Variants in SEC16A observed in about 807,000 individuals in gnomAD.
SEC16A encodes SEC16 homolog A, endoplasmic reticulum export factor, also known as protein transport protein Sec16A.
SEC16A carries 110 observed loss-of-function variants against 221.9 expected under a neutral mutation model. That is an observed-to-expected ratio of 0.50 (90% CI 0.42 to 0.58). SEC16A has a LOEUF of 0.58. Among genes scored for constraint, SEC16A ranks in the 20% least tolerant of loss-of-function variants. The probability of loss-of-function intolerance (pLI) is 0.00; values close to 1 mark genes in which losing one functional copy is unlikely to be tolerated. For synonymous variants in SEC16A, 1,393 were observed against 1,257.7 expected, an observed-to-expected ratio of 1.11 and a Z score of -2.28; for missense variants, 3,165 against 3,097.8, an observed-to-expected ratio of 1.02 and a Z score of -0.52.
chr9:136,443,974 C>G (rs1836578750), intron 30 of SEC16A, 74 bp from the exon 31 acceptor site: 3 of 1,035,696 alleles, frequency 2.9e-6, no homozygotes, highest in Non-Finnish European at 4.2e-6. Context: ...CAGATACAGA[C>G]ACCGCTTCTG....
In SEC16A at chr9:136,440,113, G is replaced by A. The variant is rs1367387160; in HGVS notation, c.*1642C>T. 6.6e-6 allele frequency: 1 copy of A among 152,300 alleles called. No homozygotes were observed. The highest frequency in any genetic ancestry group is 6.5e-5 in the Admixed American group (1 of 15,290). 9.4% of individuals were successfully genotyped at this position (152,300 alleles called of 1,614,324 possible). A position where few individuals can be genotyped will look rare whatever the true frequency, so the allele number is the denominator to read the frequency against. On this transcript the variant is annotated 3_prime_UTR_variant, in exon 32 of 32. Transcript: ENST00000684901. ...ACCACAGGTGAAGGTGCTTGAAGGA[G>A]CGCAAAATATTTTATTCAACAATTT...
At chr9:136,470,695 G>A (rs912152323) in intron 4 of SEC16A, among the ~76,000 whole-genome samples, 3 of 152,142 alleles carry the variant, frequency 2.0e-5, no homozygotes, top group Non-Finnish European at 2.9e-5. Flanking sequence ...AGTACACCAG[G>A]GCCAGCTGCG....
chr9:136,448,263 C>T (rs1303951110), intron 23 of SEC16A, 102 bp from the exon 24 acceptor site: 1 of 887,618 alleles, frequency 1.1e-6, no homozygotes, highest in African/African-American at 1.7e-5. Context: ...TGTGAGGCCC[C>T]AGAGTCGCCA....
chr9:136,483,792 G>T, upstream of SEC16A: 13 of 985,374 alleles, frequency 1.3e-5, no homozygotes, highest in Non-Finnish European at 1.6e-5. Context: ...CTGGAGGGCA[G>T]GCGGCGGCGG....
chr9:136,469,571 G>A (rs907822719), intron 4 of SEC16A, among the ~76,000 whole-genome samples: 2 of 152,212 alleles, frequency 1.3e-5, no homozygotes, highest in Non-Finnish European at 2.9e-5. Flanking sequence ...GGCTGAGGCA[G>A]GAGGATGGCT....
At chr9:136,470,989 A>G (rs1342681098) in intron 4 of SEC16A, among the ~76,000 whole-genome samples, 1 of 151,812 alleles carries the variant, frequency 6.6e-6, no homozygotes, top group Non-Finnish European at 1.5e-5. Context: ...GGCTCTGCGC[A>G]CCTCCCTGAG....
rs769078328 is a variant in SEC16A, at chr9:136,462,934, T to G, written c.4846A>C (p.Arg1616=). ...AGCTCCCTGAACCTCTCGGTCTCTC[T>G]CTCGAGCGAGCTGGCGGCAGCCGCC... is the stretch of plus-strand genomic sequence containing the variant. ...GPAAAASSLE[R]ETERFRELLL... Residue 1616 remains arginine, a synonymous_variant, in exon 12 of 32, where the codon AGA becomes CGA. Transcript: ENST00000684901. 4.4e-6 allele frequency: 7 copies of G among 1,604,394 alleles called. No homozygotes were observed. Among genetic ancestry groups the G allele is most frequent in the African/African-American group, 2.7e-5 (2 of 74,928 alleles).
chr9:136,477,459 C>T lies in SEC16A; in HGVS notation c.157G>A (p.Asp53Asn). 1.2e-6 allele frequency: 2 copies of T among 1,614,046 alleles called. No individual in the cohort carries two copies. The highest frequency in any genetic ancestry group is 1.7e-6 in the Non-Finnish European group (2 of 1,179,902). ...GCCTGTCTACTAAAAGCAAATGGAT[C>T]CGTGACCGGCTGCAACGGGCAAGTT... ...PTTCPLQPVT[D>N]PFAFSRQALQ... The change falls in exon 3 of 32, where the codon GAT becomes AAT. Residue 53 changes from aspartate to asparagine, a missense_variant. Asp to Asn is a conservative substitution (Grantham distance 23, BLOSUM62 1). This residue lies in a region of SEC16A where 2,030 missense variants were observed against 1,923.1 expected (regional missense o/e 1.06). Coordinates refer to ENST00000684901, the MANE Select transcript of SEC16A (RefSeq NM_014866.2).
In SEC16A at chr9:136,474,961, C is replaced by G; in HGVS notation, c.2655G>C (p.Leu885Phe). ...GGACAGAGCTGGTTGGAATCCCAGA[C>G]AAAGAAGTGTTCTCCCCAGAATCAC... ...LGGDSGENTS[L>F]SGIPTSSVLS... Residue 885 changes from leucine (L) to phenylalanine (F), a missense_variant, in exon 3 of 32, where the codon TTG becomes TTC. Coordinates refer to ENST00000684901, the MANE Select transcript of SEC16A (RefSeq NM_014866.2). The G allele has an allele frequency of 6.2e-7, 1 of 1,613,794 alleles. No individual in the cohort carries two copies. The highest frequency in any genetic ancestry group is 8.5e-7 in the Non-Finnish European group (1 of 1,179,866).
In SEC16A at chr9:136,475,836, G is replaced by C; in HGVS notation, c.1780C>G (p.Pro594Ala). 1 of 1,585,338 alleles carries C rather than the reference G, an allele frequency of 6.3e-7. No homozygotes were observed. The highest frequency in any genetic ancestry group is 8.6e-7 in the Non-Finnish European group (1 of 1,165,574). Residue 594 changes from proline (P) to alanine (A), a missense_variant, in exon 3 of 32, where the codon CCG becomes GCG. This residue lies in a region of SEC16A where 2,030 missense variants were observed against 1,923.1 expected (regional missense o/e 1.06). Coordinates refer to ENST00000684901, the MANE Select transcript of SEC16A (RefSeq NM_014866.2). This position sits in a 1 kb window ranked among gnomAD's most constrained non-coding sequence, Gnocchi z 5.0. Reference protein sequence around the residue: ...YRGSVSQPSTPSPPKPTGIFQ... With the variant: ...YRGSVSQPSTASPPKPTGIFQ... ...ATTCCTGTAGGTTTCGGGGGGCTCG[G>C]GGTTGAGGGCTGGGACACGCTGCCA...
chr9:136,448,407 G>A (rs1367309772), intron 23 of SEC16A: 1 of 700,332 alleles, frequency 1.4e-6, no homozygotes, highest in African/African-American at 2.1e-5. Flanking sequence ...ACACCAGGAG[G>A]ATGGAGGTGG....
intron 22 of SEC16A, 109 bp from the exon 23 acceptor site, chr9:136,451,517 G>T (rs1837808122): frequency 1.6e-6 from 2 of 1,274,516 alleles, no homozygotes; most frequent in South Asian, 3.1e-5. Context: ...TCACTGAGAG[G>T]CCGGATGACT....
rs768780044 is a variant in SEC16A, at chr9:136,466,967, A to C, written c.3919T>G (p.Phe1307Val). Residue 1307 changes from phenylalanine to valine, a missense_variant, in exon 6 of 32, where the codon TTC (phenylalanine) becomes GTC (valine). This residue lies in a region of SEC16A where 2,030 missense variants were observed against 1,923.1 expected (regional missense o/e 1.06). Transcript: ENST00000684901. The surrounding 1 kb of genome is among the most constrained non-coding windows in gnomAD (Gnocchi z 5.5). ...YDAYRREHSA[F>V]GDRPEKRDNN... ...GGGTGCTCCACCAACCTGTCCCCGA[A>C]GGCAGAGTGCTCTCTCCTGTATGCG... 1 of 1,613,214 alleles carries C rather than the reference A, an allele frequency of 6.2e-7. No homozygotes were observed. Among genetic ancestry groups the C allele is most frequent in the South Asian group, 1.1e-5 (1 of 90,940 alleles).
intron 13 of SEC16A, among the ~76,000 whole-genome samples, chr9:136,460,819 G>A (rs773912555): frequency 6.6e-6 from 1 of 151,782 alleles, no homozygotes; most frequent in Non-Finnish European, 1.5e-5. Flanking sequence ...AGGCCAAGGC[G>A]TGAGGATCAC....
chr9:136,477,610 C>T lies in SEC16A; in HGVS notation c.6G>A (p.Gln2=). The part of the protein sequence containing the change: M[Q]PPPQTVPSGM... ...CAGACGGGACCGTCTGGGGCGGTGGCTGCATGACTGAACCCTTGCACAAGT... is the reference window on the plus strand; with the variant it reads ...CAGACGGGACCGTCTGGGGCGGTGGTTGCATGACTGAACCCTTGCACAAGT... Residue 2 remains glutamine (Q), a synonymous_variant, in exon 3 of 32, where the codon CAG becomes CAA. Coordinates refer to ENST00000684901, the MANE Select transcript of SEC16A (RefSeq NM_014866.2). The T allele has an allele frequency of 6.2e-7, 1 of 1,605,022 alleles. No homozygotes were observed. Among genetic ancestry groups the T allele is most frequent in the South Asian group, 1.1e-5 (1 of 90,562 alleles).
At chr9:136,483,964 C>G (rs1045539368), upstream of SEC16A, 8 of 218,118 alleles carry the variant, frequency 3.7e-5, no homozygotes, top group East Asian at 1.4e-3. Context: ...GTTTCCCCGA[C>G]GCATCCTCTA....
At chr9:136,480,549 T>C (rs1037796141) in intron 1 of SEC16A, among the ~76,000 whole-genome samples, 15 of 152,168 alleles carry the variant, frequency 9.9e-5, no homozygotes, top group Admixed American at 2.6e-4. Context: ...TTTAATCTTA[T>C]GAGATTCTAC....
In SEC16A at chr9:136,463,599, T is replaced by C; in HGVS notation, c.4511A>G (p.Asp1504Gly). Residue 1504 changes from aspartate to glycine, a missense_variant and splice_region_variant, in exon 11 of 32, where the codon GAC becomes GGC. This residue lies in a region of SEC16A where 47 missense variants were observed against 85.0 expected (regional missense o/e 0.55). Transcript: ENST00000684901. ...AATGACATCCACCTTATGGGTGTCG[T>C]CTCTGCAGAAAGAACACACAGTGAG... The part of the protein sequence containing the change: ...MRAFPGPLAK[D>G]DTHKVDVINF... 1 of 1,613,814 alleles carries C rather than the reference T, an allele frequency of 6.2e-7. No individual in the cohort carries two copies. The highest frequency in any genetic ancestry group is 8.5e-7 in the Non-Finnish European group (1 of 1,179,806).
rs7044798 is a variant in SEC16A, at chr9:136,448,550, C to T, written c.6313-389G>A. 452 of 705,904 alleles carry T rather than the reference C, an allele frequency of 6.4e-4. 3 individuals carry two copies. In the African/African-American group the frequency reaches 7.8e-3, roughly 12 times the overall value. 43.7% of individuals were successfully genotyped at this position (705,904 alleles called of 1,614,324 possible). A position where few individuals can be genotyped will look rare whatever the true frequency, so the allele number is the denominator to read the frequency against. On this transcript the variant is annotated intron_variant, in intron 23 of 31. Transcript: ENST00000684901. Reference sequence around the variant, plus strand: ...GGTGGGAGCAGATCCACAGAGACGCCAGGAGGATGGAGGTGGGGAGCAGAT... The same window carrying T: ...GGTGGGAGCAGATCCACAGAGACGCTAGGAGGATGGAGGTGGGGAGCAGAT...
Sources: gnomAD v4.1 joint callset for allele counts (sites outside exome capture counted in the v4.1 genomes callset) on GRCh38, gnomAD v4.1.1 for gene constraint, gnomAD v4.1.1 regional missense constraint, Gnocchi (gnomAD v3.1) non-coding constraint, MANE v1.5 for transcripts, NCBI Gene and HGNC (gene_info 2026-07-23, HGNC 2026-07-21) for gene names.